DIS3L: variants seen among roughly 807,000 people sequenced by gnomAD.
The protein encoded by DIS3L is DIS3 like exosome 3'-5' exoribonuclease.
Under a neutral mutation model 120.3 loss-of-function variants are expected in DIS3L, and 100 were observed. That is an observed-to-expected ratio of 0.83 (90% CI 0.71 to 0.98). DIS3L has a LOEUF of 0.98. Ranked by LOEUF, DIS3L falls within the 50% of genes least tolerant of loss-of-function variation. The pLI is 0.00. For missense variants in DIS3L, 1,196 were observed against 1,314.2 expected, an observed-to-expected ratio of 0.91 and a Z score of 1.39; for synonymous variants, 426 against 470.6, an observed-to-expected ratio of 0.91 and a Z score of 1.23.
chr15:66,319,370 A>T (rs1270663212), intron 8 of DIS3L, among the ~76,000 whole-genome samples: 2 of 152,240 alleles, frequency 1.3e-5, no homozygotes, highest in Non-Finnish European at 2.9e-5. Flanking sequence ...AACATACATT[A>T]TCCAGCTGTC....
intron 4 of DIS3L, among the ~76,000 whole-genome samples, chr15:66,310,005 A>G (rs575775141): frequency 6.2e-4 from 94 of 152,288 alleles, no homozygotes; most frequent in African/African-American, 2.0e-3. Context: ...TGAGAGTAGG[A>G]TGACTGTTAA....
chr15:66,306,656 A>G, intron 2 of DIS3L, 168 bp from the exon 3 acceptor site: 1 of 880,164 alleles, frequency 1.1e-6, no homozygotes, highest in Non-Finnish European at 1.6e-6. Context: ...AAACAATAGC[A>G]GCCCGATAGG....
chr15:66,296,009 C>A (rs1157139738), intron 2 of DIS3L, among the ~76,000 whole-genome samples: 2 of 152,144 alleles, frequency 1.3e-5, no homozygotes, highest in Admixed American at 1.3e-4. Flanking sequence ...GTTCAAAAAA[C>A]ATACATTAAC....
At position 66,309,094 on chromosome 15, in the gene DIS3L, A is replaced by AAAAAAAAATATATATATATAT; in HGVS notation, c.558+251_558+252insAAAAAAATATATATATATATA. Among the ~76,000 whole-genome samples the AAAAAAAAATATATATATATAT allele has an allele frequency of 2.0e-4, 3 of 15,320 alleles. 1 individual carries two copies. The highest frequency in any genetic ancestry group is 5.9e-4 in the African/African-American group (3 of 5,122). 10.1% of individuals were successfully genotyped at this position (15,320 alleles called of 152,430 possible). Reference sequence around the variant, plus strand: ...CTTGTCTCTACAGAAAAAAAAAAAAAATATATATATCTCCAAGCATGGTGG... The same window carrying AAAAAAAAATATATATATATAT: ...CTTGTCTCTACAGAAAAAAAAAAAAAAAAAAAAATATATATATATATATATATATATCTCCAAGCATGGTGG... On this transcript the variant is annotated intron_variant, in intron 4 of 16. Coordinates refer to ENST00000319212, the MANE Select transcript of DIS3L (RefSeq NM_001143688.3).
At chr15:66,294,939 C>A in intron 1 of DIS3L, 49 bp from the exon 2 acceptor site, 3 of 1,516,800 alleles carry the variant, frequency 2.0e-6, no homozygotes, top group Non-Finnish European at 2.7e-6. Context: ...TTAAATAAAC[C>A]AGGTTTGAAA....
intron 8 of DIS3L, 116 bp from the exon 9 acceptor site, chr15:66,320,455 C>A: frequency 8.8e-7 from 1 of 1,138,546 alleles, no homozygotes; most frequent in Non-Finnish European, 1.2e-6. Context: ...CCACTATTTG[C>A]ACCTGGCCAC....
intron 7 of DIS3L, among the ~76,000 whole-genome samples, chr15:66,316,932 C>G (rs2092823032): frequency 1.3e-5 from 2 of 152,232 alleles, no homozygotes; most frequent in African/African-American, 4.8e-5. Flanking sequence ...TTACCATGGC[C>G]TGCATGGTCC....
chr15:66,322,697 T>C lies in DIS3L; in HGVS notation c.1337T>C (p.Met446Thr). ...IPFSEAQMCE[M>T]PVNTPESPWK... is the part of the protein sequence containing the mutation. ...TGGTTTCTCATACAGATGTGTGAGA[T>C]GCCAGTAAACACACCAGAAAGTCCC... The change falls in exon 10 of 17, where the codon ATG (methionine) becomes ACG (threonine). Residue 446 changes from methionine (M) to threonine (T), a missense_variant. Met to Thr is a moderately conservative substitution (Grantham distance 81). Transcript: ENST00000319212. 1 of 1,614,062 alleles carries C rather than the reference T, an allele frequency of 6.2e-7. No homozygotes were observed. The highest frequency in any genetic ancestry group is 1.1e-5 in the South Asian group (1 of 91,072).
chr15:66,309,944 C>T (rs758470705), intron 4 of DIS3L, among the ~76,000 whole-genome samples: 3 of 152,160 alleles, frequency 2.0e-5, no homozygotes, highest in Non-Finnish European at 4.4e-5. Context: ...GTGACTGTTT[C>T]TTTGGGCTGT....
intron 2 of DIS3L, among the ~76,000 whole-genome samples, chr15:66,303,955 T>G (rs1327045099): frequency 1.3e-5 from 2 of 151,224 alleles, no homozygotes; most frequent in African/African-American, 2.4e-5. Flanking sequence ...CCAGGTGTCT[T>G]GGTGGGCATC....
chr15:66,317,858 G>C (rs80173060), intron 7 of DIS3L, among the ~76,000 whole-genome samples: 1 of 99,898 alleles, frequency 1.0e-5, no homozygotes, highest in East Asian at 2.8e-4. Flanking sequence ...AAAAAAAAAA[G>C]AAACGAACAA....
chr15:66,294,066 G>T, intron 1 of DIS3L: 1 of 986,378 alleles, frequency 1.0e-6, no homozygotes, highest in Non-Finnish European at 1.2e-6. Context: ...TCCTCCCGCC[G>T]CAACCTCGCG....
At chr15:66,314,509 A>G (rs939016400) in intron 6 of DIS3L, among the ~76,000 whole-genome samples, 1 of 152,224 alleles carries the variant, frequency 6.6e-6, no homozygotes, top group Admixed American at 6.5e-5. Context: ...AATAAGTTGT[A>G]TCATAATCAG....
chr15:66,329,204 T>C lies in DIS3L; in HGVS notation c.2357-17T>C, dbSNP rs371479536. 80 of 1,587,606 alleles carry C rather than the reference T, an allele frequency of 5.0e-5. No individual in the cohort carries two copies. Among genetic ancestry groups the C allele is most frequent in the South Asian group, 9.2e-5 (8 of 86,782 alleles). The stretch of plus-strand genomic sequence containing the variant: ...AATAGTTTTTGTTTATTTTGATCTT[T>C]TGCTTTCTTTTTGAAGGTCTTGCAT... On this transcript the variant is annotated splice_polypyrimidine_tract_variant and intron_variant, in intron 13 of 16. Transcript: ENST00000319212.
rs778758373 is a variant in DIS3L at position 66,331,986 on chromosome 15, A to G, written c.2647A>G (p.Ile883Val). ...CATATCTGACGGAGTTATTTATTCA[A>G]TTAGAACAAATGGTGTGCTTCTATT... is the stretch of plus-strand genomic sequence containing the variant. ...RCISDGVIYSIRTNGVLLFIP... is the reference protein window; with the variant it reads ...RCISDGVIYSVRTNGVLLFIP... Residue 883 changes from isoleucine to valine, a missense_variant, in exon 15 of 17, where the codon ATT becomes GTT. Ile to Val is a conservative substitution (Grantham distance 29). Transcript: ENST00000319212. 6.2e-6 allele frequency: 10 copies of G among 1,612,274 alleles called. No homozygotes were observed. Among genetic ancestry groups the G allele is most frequent in the Middle Eastern group, 1.6e-4 (1 of 6,084 alleles).
chr15:66,295,908 T>C (rs1448000449), intron 2 of DIS3L, among the ~76,000 whole-genome samples: 1 of 152,252 alleles, frequency 6.6e-6, no homozygotes, highest in Non-Finnish European at 1.5e-5. Context: ...TTTTAAAATG[T>C]TGTGGTTTCT....
intron 8 of DIS3L, among the ~76,000 whole-genome samples, chr15:66,318,951 C>T (rs1309436538): frequency 6.6e-6 from 1 of 152,082 alleles, no homozygotes; most frequent in Admixed American, 6.6e-5. Context: ...CGCCACCACG[C>T]CCGGCTAATT....
intron 7 of DIS3L, among the ~76,000 whole-genome samples, chr15:66,316,035 G>T (rs2092813426): frequency 6.6e-6 from 1 of 152,162 alleles, no homozygotes; most frequent in South Asian, 2.1e-4. Flanking sequence ...TGGATCTTCT[G>T]TTCTCTGCGC....
At chr15:66,319,618 TAC>T (rs2092858637) in intron 8 of DIS3L, among the ~76,000 whole-genome samples, 1 of 152,210 alleles carries the variant, frequency 6.6e-6, no homozygotes, top group South Asian at 2.1e-4. Context: ...CCTGATATTT[TAC>T]AGTTTGTAAA....
Sources: gnomAD v4.1 joint callset for allele counts (sites outside exome capture counted in the v4.1 genomes callset) on GRCh38, gnomAD v4.1.1 for gene constraint, MANE v1.5 for transcripts, NCBI Gene and HGNC (gene_info 2026-07-23, HGNC 2026-07-21) for gene names.